The following CC2D2A variants were observed in gnomAD, a reference collection of about 807,000 sequenced individuals.
CC2D2A encodes coiled-coil and C2 domain containing 2A.
In CC2D2A, 155 loss-of-function variants were observed where a neutral mutation model predicts 212.9. The ratio of observed to expected loss-of-function variants is 0.73; its 90% CI spans 0.64 to 0.83. The LOEUF is 0.83. Ranked by LOEUF, CC2D2A falls within the 40% of genes least tolerant of loss-of-function variation. The pLI, the probability that CC2D2A is intolerant of heterozygous loss-of-function variation, is 0.00. For synonymous variants in CC2D2A, 667 were observed against 686.5 expected, an observed-to-expected ratio of 0.97 and a Z score of 0.44; for missense variants, 1,856 against 1,956.2, an observed-to-expected ratio of 0.95 and a Z score of 0.97.
At chr4:15,491,280 C>A (rs1040436910) in intron 4 of CC2D2A, among the ~76,000 whole-genome samples, 1 of 152,174 alleles carries the variant, frequency 6.6e-6, no homozygotes, top group Non-Finnish European at 1.5e-5. Context: ...TTTAATTATA[C>A]CCTTTACAGT....
chr4:15,546,419 A>C (rs1718713939), intron 17 of CC2D2A, among the ~76,000 whole-genome samples: 1 of 152,262 alleles, frequency 6.6e-6, no homozygotes, highest in East Asian at 1.9e-4. Flanking sequence ...TTTCCTTATT[A>C]GTCAATCCTG....
chr4:15,569,601 A>G (rs1382841025), intron 27 of CC2D2A, among the ~76,000 whole-genome samples: 1 of 152,196 alleles, frequency 6.6e-6, no homozygotes, highest in African/African-American at 2.4e-5. Context: ...TACTCCATAG[A>G]CAGAATAGGG....
chr4:15,592,051 C>A (rs372964850), intron 33 of CC2D2A, among the ~76,000 whole-genome samples: 1 of 152,178 alleles, frequency 6.6e-6, no homozygotes, highest in Non-Finnish European at 1.5e-5. Context: ...GAAACCTCAA[C>A]TGCCCTCTAC....
intron 3 of CC2D2A, 74 bp from the exon 4 acceptor site, chr4:15,480,630 C>T: frequency 6.6e-7 from 1 of 1,506,790 alleles, no homozygotes; most frequent in Non-Finnish European, 8.9e-7. Context: ...TCACTGGTGA[C>T]CCATCTTCCC....
chr4:15,574,119 G>A, intron 28 of CC2D2A, 31 bp from the exon 29 acceptor site: 1 of 1,498,462 alleles, frequency 6.7e-7, no homozygotes, highest in Non-Finnish European at 9.0e-7. Flanking sequence ...AAAAGCATCA[G>A]GATGTTTACC....
intron 14 of CC2D2A, among the ~76,000 whole-genome samples, chr4:15,535,363 C>G (rs1358764832): frequency 1.3e-5 from 2 of 152,196 alleles, no homozygotes; most frequent in African/African-American, 4.8e-5. Context: ...CCCTCCCCTC[C>G]TTCTTTTTGA....
chr4:15,494,892 C>T (rs914467110), intron 4 of CC2D2A, among the ~76,000 whole-genome samples: 1 of 152,048 alleles, frequency 6.6e-6, no homozygotes, highest in Admixed American at 6.6e-5. Context: ...AGAATGGTGA[C>T]TTCACAAATT....
chr4:15,555,168 C>A lies in CC2D2A; in HGVS notation c.2583C>A (p.Asp861Glu). 6.2e-7 allele frequency: 1 copy of A among 1,613,914 alleles called. No homozygotes were observed. The highest frequency in any genetic ancestry group is 8.5e-7 in the Non-Finnish European group (1 of 1,179,854). Residue 861 changes from aspartate to glutamate, a missense_variant, in exon 20 of 37, where the codon GAC becomes GAA. Physicochemically the swap from Asp to Glu is conservative, Grantham distance 45. Coordinates refer to ENST00000424120, the MANE Select transcript of CC2D2A (RefSeq NM_001378615.1). ...AGTGGGCAGCAGAGTCCAAGCTCGA[C>A]CCAAATGACCCCAACAATGCCCCTT... ...LAKWAAESKL[D>E]PNDPNNAPLM...
At chr4:15,580,710 T>C (rs1720626798) in intron 30 of CC2D2A, among the ~76,000 whole-genome samples, 3 of 151,382 alleles carry the variant, frequency 2.0e-5, no homozygotes, top group African/African-American at 7.3e-5. Flanking sequence ...AATTAACATA[T>C]GGAAAATGCT....
chr4:15,598,243 C>T (rs1328898305), intron 35 of CC2D2A, among the ~76,000 whole-genome samples: 2 of 152,252 alleles, frequency 1.3e-5, no homozygotes, highest in South Asian at 2.1e-4. Flanking sequence ...TCCATACTTT[C>T]GTGCGCAGAC....
At chr4:15,557,617 G>A (rs1410248998) in intron 21 of CC2D2A, 110 bp downstream of exon 21, 5 of 624,648 alleles carry the variant, frequency 8.0e-6, no homozygotes, top group East Asian at 3.0e-5. Flanking sequence ...TAGCAATAGC[G>A]GTTTCTCTTT....
At chr4:15,501,885 G>A (rs1198460763) in intron 4 of CC2D2A, among the ~76,000 whole-genome samples, 1 of 152,030 alleles carries the variant, frequency 6.6e-6, no homozygotes, top group African/African-American at 2.4e-5. Context: ...GATATTTATG[G>A]GTAAATTCAA....
intron 11 of CC2D2A, among the ~76,000 whole-genome samples, chr4:15,517,102 C>G (rs868400104): frequency 1.1e-4 from 16 of 152,028 alleles, no homozygotes; most frequent in Middle Eastern, 3.4e-3. Flanking sequence ...TGCCCGCCAC[C>G]TCGCCCGGCT....
In CC2D2A at chr4:15,553,303, G is replaced by A; in HGVS notation, c.2484G>A (p.Arg828=). 6.2e-7 allele frequency: 1 copy of A among 1,612,040 alleles called. No individual in the cohort carries two copies. The highest frequency in any genetic ancestry group is 1.1e-5 in the South Asian group (1 of 90,502). Residue 828 remains arginine, a splice_region_variant and synonymous_variant, in exon 19 of 37, where the codon CGG becomes CGA. Transcript: ENST00000424120. ...TGTCACAGCAGAACATCGGATTTCG[G>A]AGGTAATACATGGCAAGAGTAAATT... ...PPLSQQNIGF[R]SALKKADAIS...
chr4:15,584,061 A>G (rs938812553), intron 30 of CC2D2A, among the ~76,000 whole-genome samples: 104 of 152,252 alleles, frequency 6.8e-4, no homozygotes, highest in Middle Eastern at 6.8e-3. Context: ...AAGAATTAAT[A>G]TTGTTAATAT....
At chr4:15,593,786 T>G (rs1038016742) in intron 33 of CC2D2A, among the ~76,000 whole-genome samples, 3 of 152,194 alleles carry the variant, frequency 2.0e-5, no homozygotes, top group Admixed American at 2.0e-4. Context: ...ACTGCTAGCA[T>G]GTTCGTTCAA....
intron 34 of CC2D2A, among the ~76,000 whole-genome samples, chr4:15,596,849 G>T (rs1345372514): frequency 6.6e-6 from 1 of 152,140 alleles, no homozygotes; most frequent in East Asian, 1.9e-4. Context: ...GAAAAATTAT[G>T]TAACACGATG....
At chr4:15,599,956 A>C (rs375074683) in intron 36 of CC2D2A, among the ~76,000 whole-genome samples, 187 of 152,358 alleles carry the variant, frequency 1.2e-3, no homozygotes, top group African/African-American at 4.3e-3. Flanking sequence ...GTATCAAAAA[A>C]ATGAAAACAT....
At chr4:15,506,684 T>A (rs775132170) in intron 6 of CC2D2A, among the ~76,000 whole-genome samples, 1 of 152,102 alleles carries the variant, frequency 6.6e-6, no homozygotes, top group Non-Finnish European at 1.5e-5. Flanking sequence ...CATGAGAAAG[T>A]CTTAGCCCTA....
Sources: gnomAD v4.1 joint callset for allele counts (sites outside exome capture counted in the v4.1 genomes callset) on GRCh38, gnomAD v4.1.1 for gene constraint, MANE v1.5 for transcripts, NCBI Gene and HGNC (gene_info 2026-07-23, HGNC 2026-07-21) for gene names.